MYB: variants seen among roughly 807,000 people sequenced by gnomAD.
The protein encoded by MYB is MYB proto-oncogene, transcription factor, also known as transcriptional activator Myb.
Under a neutral mutation model 92.9 loss-of-function variants are expected in MYB, and 28 were observed. The ratio of observed to expected loss-of-function variants is 0.30; its 90% CI spans 0.22 to 0.41. The LOEUF (loss-of-function observed/expected upper bound fraction) is 0.41. Ranked by LOEUF, MYB falls within the 10% of genes least tolerant of loss-of-function variation. The pLI, the probability that MYB is intolerant of heterozygous loss-of-function variation, is 1.00. For missense variants in MYB, 679 were observed against 929.3 expected (o/e 0.73, Z 3.50); for synonymous variants, 295 against 329.1 (o/e 0.90, Z 1.12).
intron 15 of MYB, among the ~76,000 whole-genome samples, chr6:135,212,448 C>T (rs1336460149): frequency 1.3e-5 from 2 of 151,888 alleles, no homozygotes; most frequent in Non-Finnish European, 2.9e-5. Flanking sequence ...TGACAGAAAA[C>T]CACCTGTGGA....
rs17064293 is a variant in MYB at position 135,200,284 on chromosome 6, G to T, written c.1825-6G>T. 3.5e-3 allele frequency: 5,658 copies of T among 1,613,850 alleles called. 182 individuals carry two copies. In the African/African-American group the frequency reaches 0.069, roughly 20 times the overall value. ...CTGATGCAAAAATACCCACTCTTCC[G>T]TTTAGCCTCAGACACCCTCTCATCT... On this transcript the variant is annotated splice_region_variant and splice_polypyrimidine_tract_variant and intron_variant, in intron 12 of 15. Coordinates refer to ENST00000341911, the MANE Select transcript of MYB (RefSeq NM_001130173.2).
chr6:135,189,787 C>A lies in MYB; in HGVS notation c.214-4C>A. On this transcript the variant is annotated splice_region_variant and splice_polypyrimidine_tract_variant and intron_variant, in intron 3 of 15. Transcript: ENST00000341911. ...TTATGGTGGTGCATACTTTATTTGT[C>A]TAGAATCGAACAGATGTGCAGTGCC... 6.2e-7 allele frequency: 1 copy of A among 1,612,988 alleles called. No individual in the cohort carries two copies. The highest frequency in any genetic ancestry group is 1.1e-5 in the South Asian group (1 of 90,946).
intron 6 of MYB, 125 bp from the exon 7 acceptor site, chr6:135,193,713 T>A: frequency 1.7e-6 from 1 of 584,338 alleles, no homozygotes; most frequent in East Asian, 2.7e-5. Flanking sequence ...AAAATTTGTT[T>A]AGTGTATTTT....
chr6:135,207,896 T>G (rs1779166918), intron 15 of MYB, among the ~76,000 whole-genome samples: 2 of 151,504 alleles, frequency 1.3e-5, no homozygotes, highest in South Asian at 4.2e-4. Context: ...CTGGCTAATT[T>G]TTGTATTTTT....
chr6:135,215,738 T>C (rs1278003246), intron 15 of MYB, among the ~76,000 whole-genome samples: 1 of 152,086 alleles, frequency 6.6e-6, no homozygotes, highest in African/African-American at 2.4e-5. Flanking sequence ...CTGGATGACA[T>C]CCCTGCGTTT....
chr6:135,210,509 G>A (rs192186862), intron 15 of MYB, among the ~76,000 whole-genome samples: 13 of 152,304 alleles, frequency 8.5e-5, no homozygotes, highest in Non-Finnish European at 1.8e-4. Context: ...TCGGTTCAGC[G>A]TGTTTTAGAT....
intron 3 of MYB, 55 bp downstream of exon 3, chr6:135,187,960 A>G (rs957834791): frequency 9.8e-6 from 13 of 1,327,698 alleles, no homozygotes; most frequent in Non-Finnish European, 1.4e-5. Flanking sequence ...AAAGATTTCT[A>G]TAAAATATTC....
chr6:135,214,735 A>G (rs1461516176), intron 15 of MYB, among the ~76,000 whole-genome samples: 1 of 152,206 alleles, frequency 6.6e-6, no homozygotes, highest in East Asian at 1.9e-4. Flanking sequence ...TGAAAAGATA[A>G]CATTAAATTT....
chr6:135,196,639 T>C, intron 9 of MYB: 1 of 842,126 alleles, frequency 1.2e-6, no homozygotes, highest in South Asian at 1.5e-5. Context: ...TAAAAATCAT[T>C]TATTGCACAC....
chr6:135,212,292 G>A (rs1195143226), intron 15 of MYB, among the ~76,000 whole-genome samples: 1 of 98,624 alleles, frequency 1.0e-5, no homozygotes. Context: ...TCAGCAAATT[G>A]TAAAACACAT....
At chr6:135,210,440 A>G (rs1432027943) in intron 15 of MYB, among the ~76,000 whole-genome samples, 9 of 152,218 alleles carry the variant, frequency 5.9e-5, no homozygotes, top group Non-Finnish European at 1.5e-5. Context: ...ATTTAAACAC[A>G]TTTACACAGT....
At chr6:135,204,065 T>C (rs1340291127) in intron 15 of MYB, 1 of 223,652 alleles carries the variant, frequency 4.5e-6, no homozygotes, top group Non-Finnish European at 8.6e-6. Context: ...CCCTGTGCCA[T>C]GCAGAGGGAA....
Position 135,192,311 on chromosome 6 carries a change from T to C in MYB, c.528-13T>C. The C allele has an allele frequency of 6.2e-7, 1 of 1,603,840 alleles. No individual in the cohort carries two copies. Among genetic ancestry groups the C allele is most frequent in the Non-Finnish European group, 8.5e-7 (1 of 1,170,570 alleles). ...TTTTGTTTGTGAAATTTGTGTGATA[T>C]ATTTCTGTGCAGAACTGATAATGCT... On this transcript the variant is annotated splice_polypyrimidine_tract_variant and intron_variant, in intron 5 of 15. Transcript: ENST00000341911.
At chr6:135,194,659 A>G in intron 8 of MYB, 199 bp downstream of exon 8, 2 of 574,802 alleles carry the variant, frequency 3.5e-6, no homozygotes, top group Non-Finnish European at 6.0e-6. Context: ...TCTTTTTGTA[A>G]TTGCAATAAA....
chr6:135,197,020 A>C lies in MYB; in HGVS notation c.1263A>C (p.Ser421=). ...SFEFFEEADF[S]PSQHHTGKAL... is the part of the protein sequence containing the mutation. ...AATTCTTTGAAGAAGCAGATTTTTC[A>C]CCTAGCCAACATCACACAGGCAAAG... Residue 421 remains serine (S), a synonymous_variant, in exon 10 of 16, where the codon TCA becomes TCC. Coordinates refer to ENST00000341911, the MANE Select transcript of MYB (RefSeq NM_001130173.2). 1.1e-5 allele frequency: 18 copies of C among 1,613,944 alleles called. No homozygotes were observed. The highest frequency in any genetic ancestry group is 1.4e-5 in the Non-Finnish European group (17 of 1,179,870).
At chr6:135,213,508 ATAATACT>A (rs996899793) in intron 15 of MYB, among the ~76,000 whole-genome samples, 77 of 152,128 alleles carry the variant, frequency 5.1e-4, no homozygotes, top group African/African-American at 1.7e-3. Flanking sequence ...GATTCAGTTG[ATAATACT>A]TAGTACTAGA....
At chr6:135,217,335 G>T (rs140659814) in intron 15 of MYB, among the ~76,000 whole-genome samples, 1 of 150,782 alleles carries the variant, frequency 6.6e-6, no homozygotes, top group South Asian at 2.1e-4. Context: ...CACCAATACC[G>T]ATCAGCCTGG....
At chr6:135,200,576 C>T (rs1777929619) in intron 13 of MYB, 161 bp downstream of exon 13, 1 of 991,640 alleles carries the variant, frequency 1.0e-6, no homozygotes, top group African/African-American at 1.6e-5. Flanking sequence ...AGACTGTAGG[C>T]ATCATCAACC....
At chr6:135,206,356 C>A (rs1229740807) in intron 15 of MYB, among the ~76,000 whole-genome samples, 4 of 151,410 alleles carry the variant, frequency 2.6e-5, no homozygotes, top group Non-Finnish European at 5.9e-5. Context: ...TATGATTATA[C>A]CCCTGCACTC....
Sources: gnomAD v4.1 joint callset for allele counts (sites outside exome capture counted in the v4.1 genomes callset) on GRCh38, gnomAD v4.1.1 for gene constraint, MANE v1.5 for transcripts, NCBI Gene and HGNC (gene_info 2026-07-23, HGNC 2026-07-21) for gene names.